SNTG1: variants seen among roughly 807,000 people sequenced by gnomAD.
The protein encoded by SNTG1 is gamma-1-syntrophin.
SNTG1 carries 39 observed loss-of-function variants against 74.7 expected under a neutral mutation model. That is an observed-to-expected ratio of 0.52 (90% CI 0.40 to 0.68). The LOEUF (loss-of-function observed/expected upper bound fraction) is 0.68. SNTG1 is among the 30% of genes least tolerant of loss of function. SNTG1 has a pLI of 0.00. For missense variants in SNTG1, 685 were observed against 609.5 expected (o/e 1.12, Z -1.30); for synonymous variants, 254 against 217.1 (o/e 1.17, Z -1.49).
rs1174537487 is a variant in SNTG1 at position 50,088,325 on chromosome 8, T to C, written c.-102-84236T>C. 1.4e-4 allele frequency among the ~76,000 whole-genome samples: 20 copies of C among 143,440 alleles called. 1 individual carries two copies. Among genetic ancestry groups the C allele is most frequent in the African/African-American group, 5.1e-4 (20 of 39,072 alleles). The allele number at this position is 143,440 out of a possible 152,430, so 94.1% of individuals were successfully genotyped here. On this transcript the variant is annotated intron_variant, in intron 1 of 18. Transcript: ENST00000642720. The stretch of plus-strand genomic sequence containing the variant: ...ACTGAATGGGCAAAAACTGGAAGCA[T>C]TCCCTTTGAAAACTGGCACAAGACA...
intron 8 of SNTG1, among the ~76,000 whole-genome samples, chr8:50,455,440 T>C (rs186176030): frequency 6.6e-6 from 1 of 152,362 alleles, no homozygotes; most frequent in Admixed American, 6.5e-5. Context: ...GTCATGATTT[T>C]GAACTAAACT....
intron 12 of SNTG1, among the ~76,000 whole-genome samples, chr8:50,558,341 C>T (rs1285222768): frequency 6.6e-6 from 1 of 152,144 alleles, no homozygotes; most frequent in East Asian, 1.9e-4. Flanking sequence ...GCAGAGGCCT[C>T]TTCCCAGGTC....
chr8:50,139,615 A>G (rs2081591325), intron 1 of SNTG1, among the ~76,000 whole-genome samples: 1 of 152,252 alleles, frequency 6.6e-6, no homozygotes, highest in Non-Finnish European at 1.5e-5. Context: ...GACTAGAAAG[A>G]CACATCATTT....
At chr8:50,678,192 CTAT>C (rs947087524) in intron 15 of SNTG1, among the ~76,000 whole-genome samples, 1 of 151,782 alleles carries the variant, frequency 6.6e-6, no homozygotes, top group Non-Finnish European at 1.5e-5. Flanking sequence ...ATATCAAAAT[CTAT>C]TATTAACATT....
intron 8 of SNTG1, among the ~76,000 whole-genome samples, chr8:50,456,374 T>A (rs1218084859): frequency 6.6e-6 from 1 of 152,092 alleles, no homozygotes; most frequent in Admixed American, 6.5e-5. Flanking sequence ...GGGTACCTTA[T>A]AACTAATAGA....
chr8:50,361,512 CT>C (rs1374468966), intron 2 of SNTG1, among the ~76,000 whole-genome samples: 1 of 152,040 alleles, frequency 6.6e-6, no homozygotes, highest in Non-Finnish European at 1.5e-5. Context: ...CTTTTGTTTG[CT>C]TGTTTGTTTA....
chr8:50,229,985 T>C (rs2085533901), intron 2 of SNTG1, among the ~76,000 whole-genome samples: 1 of 151,494 alleles, frequency 6.6e-6, no homozygotes. Flanking sequence ...AAATAACACA[T>C]AAGCCAAAGT....
In SNTG1 at chr8:50,621,057, A is replaced by C. The variant is rs1057134770; in HGVS notation, c.849+30140A>C. 6.6e-5 allele frequency among the ~76,000 whole-genome samples: 6 copies of C among 90,924 alleles called. No homozygotes were observed. The South Asian group carries it at 2.0e-3, about 30-fold the overall frequency. 59.6% of individuals were successfully genotyped at this position (90,924 alleles called of 152,430 possible). ...GTTATGCAGGGCTGTAACCATAAAG[A>C]GATAACTTTTTTTTTTTTTTTTGAG... On this transcript the variant is annotated intron_variant, in intron 13 of 18. Coordinates refer to ENST00000642720, the MANE Select transcript of SNTG1 (RefSeq NM_018967.5).
intron 1 of SNTG1, among the ~76,000 whole-genome samples, chr8:50,128,551 A>G (rs1465390409): frequency 6.6e-6 from 1 of 152,120 alleles, no homozygotes; most frequent in African/African-American, 2.4e-5. Flanking sequence ...TAAATAAACC[A>G]TATATTGTTC....
chr8:50,203,138 C>G (rs1409436901), intron 2 of SNTG1, among the ~76,000 whole-genome samples: 2 of 152,008 alleles, frequency 1.3e-5, no homozygotes, highest in Non-Finnish European at 2.9e-5. Flanking sequence ...GTTAACATGC[C>G]TTCAAGCTCA....
chr8:50,724,406 C>T (rs2095495080), intron 17 of SNTG1, among the ~76,000 whole-genome samples: 1 of 152,074 alleles, frequency 6.6e-6, no homozygotes, highest in African/African-American at 2.4e-5. Flanking sequence ...GTAATGTGGC[C>T]ATGCAATTTG....
At chr8:50,407,531 G>C (rs1011150014) in intron 4 of SNTG1, among the ~76,000 whole-genome samples, 2 of 152,180 alleles carry the variant, frequency 1.3e-5, no homozygotes, top group African/African-American at 4.8e-5. Flanking sequence ...TAGGGAGGAA[G>C]TTGTTTATAT....
chr8:50,736,347 G>A (rs901803428), intron 17 of SNTG1, among the ~76,000 whole-genome samples: 3 of 151,816 alleles, frequency 2.0e-5, no homozygotes, highest in East Asian at 3.9e-4. Flanking sequence ...ATTACATAAC[G>A]GTAAAGGGAT....
At chr8:50,107,640 T>A (rs2080426707) in intron 1 of SNTG1, among the ~76,000 whole-genome samples, 1 of 152,030 alleles carries the variant, frequency 6.6e-6, no homozygotes, top group African/African-American at 2.4e-5. Context: ...AACCTCTGCT[T>A]CCTAGGTTCA....
At chr8:50,292,826 A>G (rs1239836031) in intron 2 of SNTG1, among the ~76,000 whole-genome samples, 1 of 152,170 alleles carries the variant, frequency 6.6e-6, no homozygotes, top group Non-Finnish European at 1.5e-5. Context: ...GGCATTTAAA[A>G]CTAAAATAAT....
At chr8:50,194,333 A>G (rs1788574183) in intron 2 of SNTG1, among the ~76,000 whole-genome samples, 2 of 152,036 alleles carry the variant, frequency 1.3e-5, no homozygotes, top group South Asian at 4.1e-4. Context: ...TCAAATTAGC[A>G]TTTCCATCTC....
intron 2 of SNTG1, among the ~76,000 whole-genome samples, chr8:50,181,343 T>C (rs182365131): frequency 1.2e-4 from 18 of 152,368 alleles, no homozygotes; most frequent in African/African-American, 4.1e-4. Context: ...ATGGAGTTTA[T>C]CATAAACTTG....
chr8:50,616,456 A>G (rs992561748), intron 13 of SNTG1, among the ~76,000 whole-genome samples: 1 of 152,180 alleles, frequency 6.6e-6, no homozygotes, highest in Non-Finnish European at 1.5e-5. Flanking sequence ...TGTGGAAAAA[A>G]GCAAGAACAG....
chr8:49,982,519 C>T (rs1812774718), intron 1 of SNTG1, among the ~76,000 whole-genome samples: 3 of 147,966 alleles, frequency 2.0e-5, no homozygotes. Context: ...TGTATACATA[C>T]ATAATGTGTG....
Sources: gnomAD v4.1 joint callset for allele counts (sites outside exome capture counted in the v4.1 genomes callset) on GRCh38, gnomAD v4.1.1 for gene constraint, MANE v1.5 for transcripts, NCBI Gene and HGNC (gene_info 2026-07-23, HGNC 2026-07-21) for gene names.